Variants in IL15RA observed in about 807,000 individuals in gnomAD.
The protein encoded by IL15RA is interleukin-15 receptor subunit alpha.
In IL15RA, 26 loss-of-function variants were observed where a neutral mutation model predicts 24.2. The observed-to-expected ratio is 1.07, with a 90% CI of 0.79 to 1.49. IL15RA has a LOEUF of 1.49. IL15RA is among the 40% of genes most tolerant of loss of function. The probability of loss-of-function intolerance (pLI) is 0.00; values close to 1 mark genes in which losing one functional copy is unlikely to be tolerated. For synonymous variants in IL15RA, 166 were observed against 157.6 expected, an observed-to-expected ratio of 1.05 and a Z score of -0.40; for missense variants, 354 against 356.4, an observed-to-expected ratio of 0.99 and a Z score of 0.05.
chr10:5,959,265 A>C lies in IL15RA; in HGVS notation c.616+489T>G, dbSNP rs1835093763. Among the ~76,000 whole-genome samples the C allele has an allele frequency of 6.6e-6, 1 of 150,384 alleles. No homozygotes were observed. Among genetic ancestry groups the C allele is most frequent in the Admixed American group, 6.6e-5 (1 of 15,048 alleles). ...AGCAATCCTCCCATTTCGGCCTCCC[A>C]AACTGCTGGGATTACAGGTGTGAGC... On this transcript the variant is annotated intron_variant, in intron 5 of 6. Coordinates refer to ENST00000379977, the MANE Select transcript of IL15RA (RefSeq NM_002189.4). The surrounding 1 kb of genome is among the most constrained non-coding windows in gnomAD (Gnocchi z 4.1).
downstream of IL15RA, among the ~76,000 whole-genome samples, chr10:5,951,195 T>C (rs184939256): frequency 1.1e-4 from 16 of 142,048 alleles, no homozygotes; most frequent in Middle Eastern, 7.9e-3. Context: ...TGTTGTGGTG[T>C]GTGCCTGTGC....
At position 5,966,098 on chromosome 10, in the gene IL15RA, T is replaced by C; in HGVS notation, c.283+47A>G. ...ATGGGGTCTTCTCTCTGTGCAGCCT[T>C]GGCAGGGTGGGGGAGGGAGGAAGGT... is the stretch of plus-strand genomic sequence containing the variant. On this transcript the variant is annotated intron_variant, in intron 2 of 6. Coordinates refer to ENST00000379977, the MANE Select transcript of IL15RA (RefSeq NM_002189.4). The surrounding 1 kb of genome is among the most constrained non-coding windows in gnomAD (Gnocchi z 6.4). The C allele has an allele frequency of 7.5e-7, 1 of 1,336,556 alleles. No individual in the cohort carries two copies. The highest frequency in any genetic ancestry group is 1.1e-6 in the Non-Finnish European group (1 of 937,778). The allele number at this position is 1,336,556 out of a possible 1,614,324, so 82.8% of individuals were successfully genotyped here. A position where few individuals can be genotyped will look rare whatever the true frequency, so the allele number is the denominator to read the frequency against.
In IL15RA at chr10:5,960,902, C is replaced by A. The variant is rs1835400303; in HGVS notation, c.383-335G>T. ...TTTAAGACCAGCCTGGGCAACACAG[C>A]AAGACCCTGTTTCTTTTCCTTCTTT... On this transcript the variant is annotated intron_variant, in intron 3 of 6. Transcript: ENST00000379977. This position sits in a 1 kb window ranked among gnomAD's most constrained non-coding sequence, Gnocchi z 5.1. Among the ~76,000 whole-genome samples, 1 of 152,120 alleles carries A rather than the reference C, an allele frequency of 6.6e-6. No homozygotes were observed. The highest frequency in any genetic ancestry group is 1.5e-5 in the Non-Finnish European group (1 of 68,020).
chr10:5,963,452 G>T lies in IL15RA; in HGVS notation c.382+291C>A, dbSNP rs564798598. 6.6e-6 allele frequency among the ~76,000 whole-genome samples: 1 copy of T among 152,342 alleles called. No homozygotes were observed. The highest frequency in any genetic ancestry group is 6.5e-5 in the Admixed American group (1 of 15,296). On this transcript the variant is annotated intron_variant, in intron 3 of 6. Coordinates refer to ENST00000379977, the MANE Select transcript of IL15RA (RefSeq NM_002189.4). This position sits in a 1 kb window ranked among gnomAD's most constrained non-coding sequence, Gnocchi z 5.3. ...CACATGCAACCTCAAACCTCAGTCT[G>T]CTTTCAGTTCTTGACAAAGATAAGT...
chr10:5,960,247 C>T lies in IL15RA; in HGVS notation c.583+120G>A. On this transcript the variant is annotated intron_variant, in intron 4 of 6. Transcript: ENST00000379977. This position sits in a 1 kb window ranked among gnomAD's most constrained non-coding sequence, Gnocchi z 5.1. The stretch of plus-strand genomic sequence containing the variant: ...GTGGCTGGTGGCCGGGGCCAGCAGG[C>T]TGCCCAGTGAATCCTGACTTTGGAT... The T allele has an allele frequency of 1.1e-6, 1 of 944,252 alleles. No homozygotes were observed. The highest frequency in any genetic ancestry group is 1.7e-6 in the Non-Finnish European group (1 of 597,298). 58.5% of individuals were successfully genotyped at this position (944,252 alleles called of 1,614,324 possible).
chr10:5,949,746 C>A (rs1262278500), downstream of IL15RA, among the ~76,000 whole-genome samples: 1 of 152,138 alleles, frequency 6.6e-6, no homozygotes, highest in Non-Finnish European at 1.5e-5. The surrounding 1 kb of genome is among the most constrained non-coding windows in gnomAD (Gnocchi z 4.4). Flanking sequence ...AAATCTGCAT[C>A]TATACAAGGG....
Position 5,961,830 on chromosome 10 carries a change from GC to G in IL15RA, c.383-1264del, listed in dbSNP as rs1482186545. Among the ~76,000 whole-genome samples, 3 of 152,224 alleles carry G rather than the reference GC, an allele frequency of 2.0e-5. No individual in the cohort carries two copies. The highest frequency in any genetic ancestry group is 4.4e-5 in the Non-Finnish European group (3 of 68,048). On this transcript the variant is annotated intron_variant, in intron 3 of 6. Transcript: ENST00000379977. The surrounding 1 kb of genome is among the most constrained non-coding windows in gnomAD (Gnocchi z 5.2). Reference sequence around the variant, plus strand: ...GTGGCTCTCTGGACGCACTGTTGTTGCCGCGTTCCCATGGTCTCCCAGCCAC... The same window carrying G: ...GTGGCTCTCTGGACGCACTGTTGTTGCGCGTTCCCATGGTCTCCCAGCCAC...
rs8177718 is a variant in IL15RA, at chr10:5,956,426, C to T, written c.645G>A (p.Leu215=). ...TVAISTSTVL[L]CGLSAVSLLA... is the part of the protein sequence containing the mutation. The stretch of plus-strand genomic sequence containing the variant: ...GGAGAGACACAGCGCTCAGCCCACA[C>T]AGCAGGACAGTGGACGTGGAGATAG... The change falls in exon 6 of 7, where the codon CTG becomes CTA. Residue 215 remains leucine, a synonymous_variant. Coordinates refer to ENST00000379977, the MANE Select transcript of IL15RA (RefSeq NM_002189.4). 1 of 1,614,134 alleles carries T rather than the reference C, an allele frequency of 6.2e-7. No homozygotes were observed. Among genetic ancestry groups the T allele is most frequent in the Admixed American group, 1.7e-5 (1 of 60,028 alleles).
Position 5,977,399 on chromosome 10 carries a change from C to T in IL15RA, c.88+6G>A. 1 of 1,310,064 alleles carries T rather than the reference C, an allele frequency of 7.6e-7. No homozygotes were observed. The highest frequency in any genetic ancestry group is 9.8e-7 in the Non-Finnish European group (1 of 1,022,016). The allele number at this position is 1,310,064 out of a possible 1,614,324, so 81.2% of individuals were successfully genotyped here. On this transcript the variant is annotated splice_donor_region_variant and intron_variant, in intron 1 of 6. Coordinates refer to ENST00000379977, the MANE Select transcript of IL15RA (RefSeq NM_002189.4). ...CGCCCGGGCGCCCCTGCTCCCAGCT[C>T]CCTACCCCGCGTCGCCGGCGGCCGG...
chr10:5,966,114 G>A lies in IL15RA; in HGVS notation c.283+31C>T, dbSNP rs1226329540. 1.3e-6 allele frequency: 2 copies of A among 1,501,908 alleles called. No homozygotes were observed. Among genetic ancestry groups the A allele is most frequent in the South Asian group, 1.1e-5 (1 of 87,314 alleles). The allele number at this position is 1,501,908 out of a possible 1,614,324, so 93.0% of individuals were successfully genotyped here. On this transcript the variant is annotated intron_variant, in intron 2 of 6. Coordinates refer to ENST00000379977, the MANE Select transcript of IL15RA (RefSeq NM_002189.4). This position sits in a 1 kb window ranked among gnomAD's most constrained non-coding sequence, Gnocchi z 6.4. ...GTGCAGCCTTGGCAGGGTGGGGGAG[G>A]GAGGAAGGTGGGGTGGCAAGGGCTA...
chr10:5,949,410 A>T, downstream of IL15RA: 1 of 469,646 alleles, frequency 2.1e-6, no homozygotes, highest in Non-Finnish European at 4.4e-6. This position sits in a 1 kb window ranked among gnomAD's most constrained non-coding sequence, Gnocchi z 4.4. Flanking sequence ...AAATATGCAC[A>T]CATTGAGTTC....
rs1323630459 is a variant in IL15RA at position 5,967,770 on chromosome 10, A to G, written c.89-1431T>C. 6.6e-6 allele frequency among the ~76,000 whole-genome samples: 1 copy of G among 152,162 alleles called. No individual in the cohort carries two copies. Among genetic ancestry groups the G allele is most frequent in the Non-Finnish European group, 1.5e-5 (1 of 68,022 alleles). ...AGTGTGGCCGGAAGTAAATTCGATA[A>G]AGAATAGGCTGGGTGCGGTAGCTCA... is the stretch of plus-strand genomic sequence containing the variant. On this transcript the variant is annotated intron_variant, in intron 1 of 6. Coordinates refer to ENST00000379977, the MANE Select transcript of IL15RA (RefSeq NM_002189.4). This position sits in a 1 kb window ranked among gnomAD's most constrained non-coding sequence, Gnocchi z 4.4.
At position 5,960,345 on chromosome 10, in the gene IL15RA, C is replaced by T. The variant is rs374800154; in HGVS notation, c.583+22G>A. On this transcript the variant is annotated intron_variant, in intron 4 of 6. Coordinates refer to ENST00000379977, the MANE Select transcript of IL15RA (RefSeq NM_002189.4). The surrounding 1 kb of genome is among the most constrained non-coding windows in gnomAD (Gnocchi z 5.1). ...AGCAGCAATGGGGAACTGACCTCTC[C>T]TGGGGCAAAGCGAGTGCTAACCTGG... The T allele has an allele frequency of 5.8e-5, 94 of 1,611,204 alleles. No homozygotes were observed. The highest frequency in any genetic ancestry group is 7.6e-5 in the Non-Finnish European group (90 of 1,177,552).
rs2132327655 is a variant in IL15RA at position 5,958,148 on chromosome 10, A to G, written c.616+1606T>C. ...TGGTAGGAATTCCATACAGTGGAAT[A>G]TTCTGTAGCTGTTAAAAACGATGAG... On this transcript the variant is annotated intron_variant, in intron 5 of 6. Transcript: ENST00000379977. This position sits in a 1 kb window ranked among gnomAD's most constrained non-coding sequence, Gnocchi z 4.3. 1 of 313,212 alleles carries G rather than the reference A, an allele frequency of 3.2e-6. No individual in the cohort carries two copies. Among genetic ancestry groups the G allele is most frequent in the Middle Eastern group, 6.3e-4 (1 of 1,588 alleles). The allele number at this position is 313,212 out of a possible 1,614,324, so 19.4% of individuals were successfully genotyped here.
rs1443224212 is a variant in IL15RA at position 5,961,362 on chromosome 10, C to T, written c.383-795G>A. Among the ~76,000 whole-genome samples the T allele has an allele frequency of 6.6e-6, 1 of 152,066 alleles. No individual in the cohort carries two copies. The highest frequency in any genetic ancestry group is 1.5e-5 in the Non-Finnish European group (1 of 68,010). On this transcript the variant is annotated intron_variant, in intron 3 of 6. Transcript: ENST00000379977. The surrounding 1 kb of genome is among the most constrained non-coding windows in gnomAD (Gnocchi z 5.2). Reference sequence around the variant, plus strand: ...GAGGCTGCAGTGACCTATAATTGAGCCATTGCACTCTAGCCTGGGGGACAG... The same window carrying T: ...GAGGCTGCAGTGACCTATAATTGAGTCATTGCACTCTAGCCTGGGGGACAG...
intron 1 of IL15RA, among the ~76,000 whole-genome samples, chr10:5,976,764 G>A (rs1335952291): frequency 6.6e-6 from 1 of 151,760 alleles, no homozygotes; most frequent in Non-Finnish European, 1.5e-5. Flanking sequence ...CTTTTTCTGC[G>A]AGTGTAGACT....
At chr10:5,969,060 T>G in intron 1 of IL15RA, 1 of 1,203,680 alleles carries the variant, frequency 8.3e-7, no homozygotes, top group Non-Finnish European at 1.2e-6. Context: ...CACCAATCGA[T>G]TCCATCGATC....
intron 1 of IL15RA, among the ~76,000 whole-genome samples, chr10:5,972,259 A>T (rs1019623088): frequency 2.8e-4 from 43 of 152,214 alleles, no homozygotes; most frequent in African/African-American, 8.4e-4. Context: ...AAGAAGAAGC[A>T]TTCAAATCAC....
Position 5,964,838 on chromosome 10 carries a change from G to A in IL15RA, c.284-997C>T, listed in dbSNP as rs779852912. The stretch of plus-strand genomic sequence containing the variant: ...GGTTCCCACAGATCCTGCTCACCCC[G>A]CCACGCTCAGCTTTCCCATTCACTC... On this transcript the variant is annotated intron_variant, in intron 2 of 6. Coordinates refer to ENST00000379977, the MANE Select transcript of IL15RA (RefSeq NM_002189.4). The surrounding 1 kb of genome is among the most constrained non-coding windows in gnomAD (Gnocchi z 5.6). Among the ~76,000 whole-genome samples, 2 of 152,158 alleles carry A rather than the reference G, an allele frequency of 1.3e-5. No homozygotes were observed. The highest frequency in any genetic ancestry group is 1.5e-5 in the Non-Finnish European group (1 of 68,018).
Sources: allele counts gnomAD v4.1 joint callset (sites outside exome capture counted in the v4.1 genomes callset), GRCh38; gene constraint gnomAD v4.1.1; non-coding constraint Gnocchi (gnomAD v3.1); transcripts MANE v1.5; gene names NCBI Gene and HGNC (gene_info 2026-07-23, HGNC 2026-07-21).